CLASP2: variants seen among roughly 807,000 people sequenced by gnomAD.
The protein encoded by CLASP2 is CLIP-associating protein 2.
CLASP2 carries 47 observed loss-of-function variants against 194.4 expected under a neutral mutation model. That is an observed-to-expected ratio of 0.24 (90% CI 0.19 to 0.31). The LOEUF (loss-of-function observed/expected upper bound fraction) is 0.31. CLASP2 is among the 10% of genes least tolerant of loss of function. CLASP2 has a pLI of 1.00. For synonymous variants in CLASP2, 619 were observed against 633.5 expected, an observed-to-expected ratio of 0.98 and a Z score of 0.34; for missense variants, 1,445 against 1,823.6, an observed-to-expected ratio of 0.79 and a Z score of 3.78.
intron 9 of CLASP2, 154 bp from the exon 10 acceptor site, chr3:33,627,234 A>G (rs1237986885): frequency 6.2e-6 from 4 of 646,744 alleles, no homozygotes; most frequent in South Asian, 3.6e-5. Context: ...ATAGACAATA[A>G]TAACACAAAA....
chr3:33,714,156 ACT>A (rs1022836935), intron 1 of CLASP2, among the ~76,000 whole-genome samples: 1 of 152,186 alleles, frequency 6.6e-6, no homozygotes, highest in Non-Finnish European at 1.5e-5. Context: ...AGTGCCTGGT[ACT>A]CACTAAGGAC....
intron 37 of CLASP2, 135 bp downstream of exon 37, chr3:33,510,421 GAA>G (rs2154088904): frequency 3.9e-6 from 3 of 761,670 alleles, no homozygotes; most frequent in South Asian, 3.7e-5. Context: ...GGCTAGTTAT[GAA>G]AAGTCTTTGT....
chr3:33,606,885 G>A (rs1036222828), intron 15 of CLASP2, 127 bp from the exon 16 acceptor site: 4 of 692,938 alleles, frequency 5.8e-6, no homozygotes, highest in African/African-American at 3.6e-5. Context: ...TATTTGTCAG[G>A]TGAACACTTT....
At chr3:33,566,299 T>C (rs919524310) in intron 27 of CLASP2, among the ~76,000 whole-genome samples, 2 of 152,222 alleles carry the variant, frequency 1.3e-5, no homozygotes, top group Non-Finnish European at 2.9e-5. Context: ...TAAAATGTCA[T>C]TTGTGGGAAG....
In CLASP2 at chr3:33,559,393, A is replaced by G; in HGVS notation, c.2931-8T>C. On this transcript the variant is annotated splice_region_variant and splice_polypyrimidine_tract_variant and intron_variant, in intron 28 of 38. Coordinates refer to ENST00000682230, the MANE Select transcript of CLASP2 (RefSeq NM_001365631.1). ...TCATTTGGAAAAGACTCTCTGAAAC[A>G]AGAACAAAGCAAAACGAAACAAAAA... 10 of 1,563,960 alleles carry G rather than the reference A, an allele frequency of 6.4e-6. No individual in the cohort carries two copies. Among genetic ancestry groups the G allele is most frequent in the Non-Finnish European group, 8.7e-6 (10 of 1,147,084 alleles).
intron 6 of CLASP2, among the ~76,000 whole-genome samples, chr3:33,673,302 A>G (rs1377909392): frequency 7.2e-5 from 11 of 152,248 alleles, no homozygotes; most frequent in Non-Finnish European, 1.6e-4. Context: ...ATTCTTAAAG[A>G]AAAGAATTTT....
chr3:33,701,434 A>G (rs928470016), intron 1 of CLASP2, among the ~76,000 whole-genome samples: 13 of 152,364 alleles, frequency 8.5e-5, no homozygotes, highest in African/African-American at 2.9e-4. Context: ...TGTCTCTACA[A>G]AAAATTTTAA....
intron 1 of CLASP2, among the ~76,000 whole-genome samples, chr3:33,705,440 G>A (rs1413494390): frequency 6.6e-6 from 1 of 152,130 alleles, no homozygotes; most frequent in Non-Finnish European, 1.5e-5. Flanking sequence ...AGTTCTTTTG[G>A]AGGTGATGAA....
At chr3:33,506,306 A>T (rs2048156203) in intron 37 of CLASP2, among the ~76,000 whole-genome samples, 1 of 133,380 alleles carries the variant, frequency 7.5e-6, no homozygotes, top group South Asian at 2.6e-4. Flanking sequence ...TGAACACAGG[A>T]GGCAGAGGTT....
chr3:33,524,623 C>T (rs755984546), intron 34 of CLASP2, among the ~76,000 whole-genome samples: 1 of 151,838 alleles, frequency 6.6e-6, no homozygotes, highest in Non-Finnish European at 1.5e-5. Context: ...TGCATTCCAG[C>T]CTGGGCAATG....
At chr3:33,715,456 T>C (rs2093247569) in intron 1 of CLASP2, among the ~76,000 whole-genome samples, 1 of 152,234 alleles carries the variant, frequency 6.6e-6, no homozygotes, top group South Asian at 2.1e-4. Context: ...TATTTATCTT[T>C]CCTGCTTATT....
intron 34 of CLASP2, among the ~76,000 whole-genome samples, chr3:33,522,875 C>T (rs945642426): frequency 2.8e-4 from 42 of 152,142 alleles, no homozygotes; most frequent in African/African-American, 9.9e-4. Context: ...TCGAGACCAT[C>T]CTGGCTAACA....
chr3:33,637,122 C>G lies in CLASP2; in HGVS notation c.863-4751G>C, dbSNP rs1228086142. On this transcript the variant is annotated intron_variant, in intron 8 of 38. Transcript: ENST00000682230. ...AAAGAGCTACAGAAATAAATAACAT[C>G]ACAAAGAAATGAGACAAATACAGAA... Among the ~76,000 whole-genome samples, 4 of 152,096 alleles carry G rather than the reference C, an allele frequency of 2.6e-5. No homozygotes were observed. In the East Asian group the frequency reaches 5.8e-4, roughly 22 times the overall value.
intron 6 of CLASP2, among the ~76,000 whole-genome samples, chr3:33,672,692 G>C (rs139784144): frequency 1.3e-5 from 2 of 152,172 alleles, no homozygotes; most frequent in African/African-American, 4.8e-5. Context: ...TAAAAACTTT[G>C]AAAAAAATTT....
intron 9 of CLASP2, 86 bp from the exon 10 acceptor site, chr3:33,627,166 A>C: frequency 1.3e-6 from 1 of 764,530 alleles, no homozygotes; most frequent in Non-Finnish European, 2.2e-6. Flanking sequence ...ATAATCTTTC[A>C]CCTATTAAGT....
intron 34 of CLASP2, among the ~76,000 whole-genome samples, chr3:33,520,438 G>T (rs1043748345): frequency 3.3e-5 from 5 of 152,182 alleles, no homozygotes; most frequent in Non-Finnish European, 5.9e-5. Context: ...TATAAGGAGG[G>T]TATCCACTGG....
chr3:33,530,342 T>C (rs548393083), intron 34 of CLASP2, among the ~76,000 whole-genome samples: 5 of 152,090 alleles, frequency 3.3e-5, no homozygotes, highest in African/African-American at 7.2e-5. Flanking sequence ...TGGTGGCGTG[T>C]ACCTGTTGTC....
Position 33,560,940 on chromosome 3 carries a change from T to C in CLASP2, c.2798A>G (p.Asp933Gly). ...ATCATCTTTGTGGACTTGTATGAAA[T>C]CCACTAGAGTCTCCAAAAACATGCT... ...VFSMFLETLVDFIQVHKDDLQ... is the reference protein window; with the variant it reads ...VFSMFLETLVGFIQVHKDDLQ... Residue 933 changes from aspartate to glycine, a missense_variant, in exon 28 of 39, where the codon GAT (aspartate) becomes GGT (glycine). Around this residue, in one of 4 missense-constraint regions of CLASP2, gnomAD observed 732 missense variants for 987.9 expected, o/e 0.74. Coordinates refer to ENST00000682230, the MANE Select transcript of CLASP2 (RefSeq NM_001365631.1). 1 of 1,613,740 alleles carries C rather than the reference T, an allele frequency of 6.2e-7. No individual in the cohort carries two copies. Among genetic ancestry groups the C allele is most frequent in the Admixed American group, 1.7e-5 (1 of 59,976 alleles).
chr3:33,713,067 AC>A (rs2093113091), intron 1 of CLASP2, among the ~76,000 whole-genome samples: 1 of 150,708 alleles, frequency 6.6e-6, no homozygotes. Flanking sequence ...GCAACCATAC[AC>A]CTGTAGTGGT....
Sources: allele counts gnomAD v4.1 joint callset (sites outside exome capture counted in the v4.1 genomes callset), GRCh38; gene constraint gnomAD v4.1.1; regional missense constraint gnomAD v4.1.1; transcripts MANE v1.5; gene names NCBI Gene and HGNC (gene_info 2026-07-23, HGNC 2026-07-21).